The following OSBPL10 variants were observed in gnomAD, a reference collection of about 807,000 sequenced individuals.
OSBPL10 encodes oxysterol binding protein like 10.
A neutral mutation model predicts 81.7 loss-of-function variants in OSBPL10; 49 were observed. That is an observed-to-expected ratio of 0.60 (90% CI 0.48 to 0.76). The LOEUF (loss-of-function observed/expected upper bound fraction) is 0.76. Among genes scored for constraint, OSBPL10 ranks in the 30% least tolerant of loss-of-function variants. The pLI is 0.00. For synonymous variants in OSBPL10, 419 were observed against 383.6 expected, an observed-to-expected ratio of 1.09 and a Z score of -1.08; for missense variants, 923 against 987.8, an observed-to-expected ratio of 0.93 and a Z score of 0.88.
chr3:32,051,181 T>G (rs950799834), intron 1 of OSBPL10, among the ~76,000 whole-genome samples: 2 of 151,826 alleles, frequency 1.3e-5, no homozygotes, highest in African/African-American at 4.8e-5. Flanking sequence ...CTAAGATAAT[T>G]TCTAACAGGC....
chr3:31,881,948 G>A (rs1392185910), intron 1 of OSBPL10, among the ~76,000 whole-genome samples: 1 of 152,172 alleles, frequency 6.6e-6, no homozygotes, highest in Non-Finnish European at 1.5e-5. Flanking sequence ...TCAGGCTCGG[G>A]TCCACTCCAG....
At chr3:31,754,129 C>T (rs1697810607) in intron 4 of OSBPL10, among the ~76,000 whole-genome samples, 1 of 147,552 alleles carries the variant, frequency 6.8e-6, no homozygotes, top group Non-Finnish European at 1.5e-5. Context: ...TCTTGTTCTA[C>T]ACCTCCTGGC....
At chr3:31,733,114 T>C in intron 6 of OSBPL10, 143 bp downstream of exon 6, 1 of 1,166,522 alleles carries the variant, frequency 8.6e-7, no homozygotes. Flanking sequence ...ACATAGCTGA[T>C]TTTGTCTCTC....
At chr3:31,840,342 G>A (rs1700460929) in intron 3 of OSBPL10, among the ~76,000 whole-genome samples, 1 of 152,186 alleles carries the variant, frequency 6.6e-6, no homozygotes, top group Non-Finnish European at 1.5e-5. Context: ...GAGCACTCCT[G>A]TCTACTAAGA....
chr3:31,733,793 C>CT (rs1697060091), intron 5 of OSBPL10, among the ~76,000 whole-genome samples: 1 of 140,862 alleles, frequency 7.1e-6, no homozygotes, highest in South Asian at 2.2e-4. Context: ...GCGGGTAGAT[C>CT]ATGAGGTCAG....
Position 31,683,704 on chromosome 3 carries a change from G to A in OSBPL10, c.1656C>T (p.Cys552=), listed in dbSNP as rs17849744. The A allele has an allele frequency of 0.033, 52,838 of 1,614,120 alleles. 1,055 individuals carry two copies. The highest frequency in any genetic ancestry group is 0.04 in the Non-Finnish European group (46,714 of 1,180,016). The change falls in exon 8 of 12, where the codon TGC becomes TGT. Residue 552 remains cysteine (C), a synonymous_variant. Coordinates refer to ENST00000396556, the MANE Select transcript of OSBPL10 (RefSeq NM_017784.5). Reference sequence around the variant, plus strand: ...TTTTGGTCCATACATGAGTGTTGACGCACAGTCTCTTCTCCTCGCACTCAC... The same window carrying A: ...TTTTGGTCCATACATGAGTGTTGACACACAGTCTCTTCTCCTCGCACTCAC... ...FYCECEEKRL[C]VNTHVWTKSK...
chr3:31,964,563 C>T (rs73823908), intron 1 of OSBPL10, among the ~76,000 whole-genome samples: 2,512 of 152,234 alleles, frequency 0.017, 70 homozygotes, highest in African/African-American at 0.055. Context: ...CTTCACTTGA[C>T]GAGGTAAATA....
At chr3:31,827,934 G>C (rs555159925) in intron 4 of OSBPL10, among the ~76,000 whole-genome samples, 1 of 151,936 alleles carries the variant, frequency 6.6e-6, no homozygotes, top group Non-Finnish European at 1.5e-5. Context: ...TGAATCAAAC[G>C]CTACTAATTA....
intron 2 of OSBPL10, among the ~76,000 whole-genome samples, chr3:32,031,488 G>A (rs1363723703): frequency 1.3e-5 from 2 of 150,906 alleles, no homozygotes; most frequent in Non-Finnish European, 2.9e-5. Context: ...TCGAGACAGA[G>A]TCTCACTCTG....
intron 4 of OSBPL10, among the ~76,000 whole-genome samples, chr3:31,809,539 GGGT>G (rs1220709705): frequency 1.3e-5 from 2 of 152,198 alleles, no homozygotes; most frequent in East Asian, 1.9e-4. Context: ...AGTGCCAGTA[GGGT>G]GGTGGTGGAC....
intron 1 of OSBPL10, among the ~76,000 whole-genome samples, chr3:31,963,241 T>A (rs926971483): frequency 6.7e-6 from 1 of 150,196 alleles, no homozygotes; most frequent in African/African-American, 2.4e-5. Context: ...TCCACCCACA[T>A]CCATCCATCT....
intron 4 of OSBPL10, chr3:31,822,158 A>C (rs1699995488): frequency 6.6e-6 from 1 of 152,266 alleles, no homozygotes; most frequent in Non-Finnish European, 1.5e-5. Flanking sequence ...ATTTAAAATC[A>C]TATTAAATTA....
chr3:31,858,441 T>C (rs953553145), intron 3 of OSBPL10, among the ~76,000 whole-genome samples: 2 of 152,178 alleles, frequency 1.3e-5, no homozygotes, highest in African/African-American at 4.8e-5. Flanking sequence ...GTACTGCTTG[T>C]TTCGCAGGGC....
intron 11 of OSBPL10, chr3:31,663,720 T>C: frequency 5.3e-6 from 6 of 1,140,694 alleles, no homozygotes; most frequent in Non-Finnish European, 6.5e-6. Flanking sequence ...ACTAATTTGT[T>C]ACTAAAGATG....
intron 4 of OSBPL10, among the ~76,000 whole-genome samples, chr3:31,783,849 T>C (rs1346651365): frequency 9.4e-6 from 1 of 106,744 alleles, no homozygotes; most frequent in African/African-American, 3.5e-5. Flanking sequence ...TATATATATA[T>C]ATATATATAT....
chr3:31,698,967 T>A (rs1467610153), intron 7 of OSBPL10, among the ~76,000 whole-genome samples: 2 of 152,136 alleles, frequency 1.3e-5, no homozygotes, highest in African/African-American at 4.8e-5. Context: ...TCAGGCCCCA[T>A]CAGGGCATGG....
chr3:31,674,579 T>A (rs564941440), intron 8 of OSBPL10, among the ~76,000 whole-genome samples: 1 of 141,334 alleles, frequency 7.1e-6, no homozygotes, highest in Non-Finnish European at 1.5e-5. Context: ...GACAGATAGA[T>A]AGATTAGATA....
At chr3:31,896,144 GATAA>G (rs1696050638) in intron 1 of OSBPL10, among the ~76,000 whole-genome samples, 1 of 152,162 alleles carries the variant, frequency 6.6e-6, no homozygotes, top group South Asian at 2.1e-4. Context: ...ATTCACCATT[GATAA>G]TAAAGCTTTC....
rs368870843 is a variant in OSBPL10 at position 31,700,308 on chromosome 3, T to C, written c.1245+2051A>G. ...ATAATAAATATGAAATGCACAGTTGTGATATTTCTTTATTTTAGAGCAAGA... is the reference window on the plus strand; with the variant it reads ...ATAATAAATATGAAATGCACAGTTGCGATATTTCTTTATTTTAGAGCAAGA... On this transcript the variant is annotated intron_variant, in intron 7 of 11. Coordinates refer to ENST00000396556, the MANE Select transcript of OSBPL10 (RefSeq NM_017784.5). 211 of 152,290 alleles carry C rather than the reference T, an allele frequency of 1.4e-3. 1 individual carries two copies. Among genetic ancestry groups the C allele is most frequent in the African/African-American group, 4.8e-3 (199 of 41,554 alleles). 9.4% of individuals were successfully genotyped at this position (152,290 alleles called of 1,614,324 possible).
Sources: gnomAD v4.1 joint callset for allele counts (sites outside exome capture counted in the v4.1 genomes callset) on GRCh38, gnomAD v4.1.1 for gene constraint, MANE v1.5 for transcripts, NCBI Gene and HGNC (gene_info 2026-07-23, HGNC 2026-07-21) for gene names.